Variants in PCYT1A observed in about 807,000 individuals in gnomAD.
PCYT1A encodes phosphate cytidylyltransferase 1A, choline, also known as choline-phosphate cytidylyltransferase A.
Under a neutral mutation model 43.7 loss-of-function variants are expected in PCYT1A, and 25 were observed. That is an observed-to-expected ratio of 0.57 (90% CI 0.42 to 0.80). PCYT1A has a LOEUF of 0.80. Ranked by LOEUF, PCYT1A falls within the 30% of genes least tolerant of loss-of-function variation. The pLI, the probability that PCYT1A is intolerant of heterozygous loss-of-function variation, is 0.00. For missense variants in PCYT1A, 421 were observed against 474.2 expected, an observed-to-expected ratio of 0.89 and a Z score of 1.04; for synonymous variants, 172 against 170.7, an observed-to-expected ratio of 1.01 and a Z score of -0.06.
At chr3:196,269,704 C>T (rs568593536) in intron 2 of PCYT1A, among the ~76,000 whole-genome samples, 20 of 151,772 alleles carry the variant, frequency 1.3e-4, no homozygotes, top group Middle Eastern at 3.4e-3. Context: ...TAGGCATAAA[C>T]GGAAAAAGGT....
Position 196,252,434 on chromosome 3 carries a change from G to A in PCYT1A, c.218-4111C>T, listed in dbSNP as rs1560167489. Among the ~76,000 whole-genome samples, 5 of 151,900 alleles carry A rather than the reference G, an allele frequency of 3.3e-5. No homozygotes were observed. Among genetic ancestry groups the A allele is most frequent in the Admixed American group, 1.3e-4 (2 of 15,252 alleles). On this transcript the variant is annotated intron_variant, in intron 3 of 8. Coordinates refer to ENST00000431016, the MANE Select transcript of PCYT1A (RefSeq NM_001312673.2). The surrounding 1 kb of genome is among the most constrained non-coding windows in gnomAD (Gnocchi z 4.0). ...GGATAATTTTTGTATTTTTATATTC[G>A]TATCCCATGTTGGCCAGGCTGGTCT... is the stretch of plus-strand genomic sequence containing the variant.
At chr3:196,261,890 C>T (rs554620386) in intron 2 of PCYT1A, among the ~76,000 whole-genome samples, 57 of 152,202 alleles carry the variant, frequency 3.7e-4, no homozygotes, top group Non-Finnish European at 6.0e-4. Flanking sequence ...AAGACAAATA[C>T]AGCTGTCCTT....
At chr3:196,279,814 A>G (rs1175530678) in intron 1 of PCYT1A, among the ~76,000 whole-genome samples, 1 of 142,954 alleles carries the variant, frequency 7.0e-6, no homozygotes, top group African/African-American at 2.6e-5. Context: ...AGGGACTCCT[A>G]TCCAGTCCTT....
intron 1 of PCYT1A, among the ~76,000 whole-genome samples, chr3:196,280,428 T>C (rs1725730182): frequency 6.6e-6 from 1 of 152,174 alleles, no homozygotes; most frequent in Admixed American, 6.6e-5. Flanking sequence ...AATTTGCATA[T>C]AATCTATACC....
At chr3:196,254,220 G>A (rs1385339525) in intron 3 of PCYT1A, among the ~76,000 whole-genome samples, 2 of 151,382 alleles carry the variant, frequency 1.3e-5, no homozygotes, top group African/African-American at 2.4e-5. Context: ...TAGAGACGGG[G>A]TTTCACCATG....
chr3:196,281,954 G>A (rs1386061393), intron 1 of PCYT1A, among the ~76,000 whole-genome samples: 1 of 152,166 alleles, frequency 6.6e-6, no homozygotes, highest in African/African-American at 2.4e-5. Context: ...GCCTCCCAAA[G>A]TGCTGGGATT....
chr3:196,260,457 G>T (rs1477789324), intron 2 of PCYT1A, among the ~76,000 whole-genome samples: 1 of 152,144 alleles, frequency 6.6e-6, no homozygotes, highest in Non-Finnish European at 1.5e-5. Context: ...TTGGAAAACA[G>T]TTCTTCAAAA....
rs1208595311 is a variant in PCYT1A, at chr3:196,277,310, T to C, written c.-10-6769A>G. Among the ~76,000 whole-genome samples the C allele has an allele frequency of 6.6e-6, 1 of 152,188 alleles. No individual in the cohort carries two copies. The highest frequency in any genetic ancestry group is 6.5e-5 in the Admixed American group (1 of 15,282). On this transcript the variant is annotated intron_variant, in intron 1 of 8. Coordinates refer to ENST00000431016, the MANE Select transcript of PCYT1A (RefSeq NM_001312673.2). The surrounding 1 kb of genome is among the most constrained non-coding windows in gnomAD (Gnocchi z 4.1). ...TATTCCTTATCTGCTTACATACAGT[T>C]CTTCTATTTTCTAAAGATGACTTTT...
intron 3 of PCYT1A, among the ~76,000 whole-genome samples, chr3:196,253,925 T>A: frequency 6.7e-6 from 1 of 149,776 alleles, no homozygotes; most frequent in South Asian, 2.1e-4. Flanking sequence ...TTTAATATAA[T>A]TTTTCCTGTT....
chr3:196,285,673 G>C (rs1390766829), intron 1 of PCYT1A, among the ~76,000 whole-genome samples: 5 of 152,112 alleles, frequency 3.3e-5, no homozygotes, highest in African/African-American at 1.2e-4. Context: ...CATTGAATTA[G>C]AGAGCTAAGT....
chr3:196,286,496 T>C (rs1490233085), intron 1 of PCYT1A, among the ~76,000 whole-genome samples: 1 of 152,234 alleles, frequency 6.6e-6, no homozygotes, highest in Non-Finnish European at 1.5e-5. Flanking sequence ...CTTTGAGATG[T>C]ACAAAATCTA....
At chr3:196,271,100 C>T (rs1392828707) in intron 1 of PCYT1A, among the ~76,000 whole-genome samples, 1 of 152,146 alleles carries the variant, frequency 6.6e-6, no homozygotes, top group Non-Finnish European at 1.5e-5. Flanking sequence ...TCTTGCCTCA[C>T]TGCAGCTTCA....
chr3:196,274,160 G>A (rs551019640), intron 1 of PCYT1A, among the ~76,000 whole-genome samples: 112 of 152,370 alleles, frequency 7.4e-4, no homozygotes, highest in African/African-American at 2.6e-3. Flanking sequence ...GGCACCAGGA[G>A]CAAGGAGAGG....
intron 5 of PCYT1A, among the ~76,000 whole-genome samples, chr3:196,243,375 TTCTC>T (rs1379504044): frequency 2.6e-5 from 4 of 151,942 alleles, no homozygotes; most frequent in African/African-American, 9.7e-5. Flanking sequence ...CTTAACTAGT[TTCTC>T]TCAGTCCGTG....
intron 1 of PCYT1A, among the ~76,000 whole-genome samples, chr3:196,280,054 C>T (rs942180614): frequency 2.6e-5 from 4 of 152,036 alleles, no homozygotes; most frequent in Non-Finnish European, 4.4e-5. Context: ...TGGTCTTGAA[C>T]TCCTGACCTC....
At chr3:196,270,215 A>C (rs1240586674) in intron 2 of PCYT1A, among the ~76,000 whole-genome samples, 200 bp downstream of exon 2, 1 of 152,056 alleles carries the variant, frequency 6.6e-6, no homozygotes, top group Non-Finnish European at 1.5e-5. Context: ...TTTTCCTAAC[A>C]CTTCTTTTTC....
At chr3:196,263,007 C>T (rs1319079609) in intron 2 of PCYT1A, among the ~76,000 whole-genome samples, 2 of 151,984 alleles carry the variant, frequency 1.3e-5, no homozygotes, top group Non-Finnish European at 1.5e-5. Flanking sequence ...GTTGGCCAGG[C>T]TGGTTTTGAA....
Position 196,234,752 on chromosome 3 carries a change from C to T in PCYT1A, c.*3936G>A, listed in dbSNP as rs189783136. ...ACATAAAATCTTGGCAGACAACAAT[C>T]TTTCTTCTTCAAGAAAATTAACATT... On this transcript the variant is annotated 3_prime_UTR_variant, in exon 9 of 9. Transcript: ENST00000431016. 7.2e-5 allele frequency: 11 copies of T among 152,306 alleles called. No individual in the cohort carries two copies. The highest frequency in any genetic ancestry group is 3.4e-3 in the Middle Eastern group (1 of 294). 9.4% of individuals were successfully genotyped at this position (152,306 alleles called of 1,614,324 possible).
intron 2 of PCYT1A, among the ~76,000 whole-genome samples, chr3:196,261,703 T>A (rs188984364): frequency 1.1e-3 from 167 of 151,904 alleles, no homozygotes; most frequent in African/African-American, 3.7e-3. Flanking sequence ...GGCAGGAGAA[T>A]TGCTTGAACT....
Sources: allele counts gnomAD v4.1 joint callset (sites outside exome capture counted in the v4.1 genomes callset), GRCh38; gene constraint gnomAD v4.1.1; non-coding constraint Gnocchi (gnomAD v3.1); transcripts MANE v1.5; gene names NCBI Gene and HGNC (gene_info 2026-07-23, HGNC 2026-07-21).